The following ADAMTSL1 variants were observed in gnomAD, a reference collection of about 807,000 sequenced individuals.
ADAMTSL1 encodes ADAMTS-like protein 1.
In ADAMTSL1, 126 loss-of-function variants were observed where a neutral mutation model predicts 201.8. That is an observed-to-expected ratio of 0.62 (90% CI 0.54 to 0.72). ADAMTSL1 has a LOEUF of 0.72. Ranked by LOEUF, ADAMTSL1 falls within the 30% of genes least tolerant of loss-of-function variation. ADAMTSL1 has a pLI of 0.00. For synonymous variants in ADAMTSL1, 1,121 were observed against 903.4 expected (o/e 1.24, Z -4.32); for missense variants, 2,679 against 2,277.8 (o/e 1.18, Z -3.59).
chr9:18,183,643 G>A (rs886700670), intron 2 of ADAMTSL1, among the ~76,000 whole-genome samples: 13 of 152,100 alleles, frequency 8.5e-5, no homozygotes, highest in South Asian at 6.2e-4. Flanking sequence ...TCACTAGGGG[G>A]ATGCAAATTA....
At chr9:18,734,512 A>G (rs2133502068) in intron 15 of ADAMTSL1, among the ~76,000 whole-genome samples, 1 of 152,326 alleles carries the variant, frequency 6.6e-6, no homozygotes, top group South Asian at 2.1e-4. Flanking sequence ...TTACTGTGTC[A>G]TAGGTTCTGG....
At chr9:18,140,648 G>A (rs1306254225) in intron 1 of ADAMTSL1, among the ~76,000 whole-genome samples, 1 of 152,196 alleles carries the variant, frequency 6.6e-6, no homozygotes, top group African/African-American at 2.4e-5. Context: ...CATTGTTTGT[G>A]CAACAACTGA....
intron 1 of ADAMTSL1, among the ~76,000 whole-genome samples, chr9:17,941,077 TAG>T (rs1176710014): frequency 6.6e-6 from 1 of 152,048 alleles, no homozygotes; most frequent in African/African-American, 2.4e-5. Flanking sequence ...TGAGACCTTT[TAG>T]AGAGAGAACA....
intron 26 of ADAMTSL1, chr9:18,905,535 A>G: frequency 2.0e-6 from 1 of 504,330 alleles, no homozygotes; most frequent in Middle Eastern, 5.4e-4. Context: ...ACGTTCTCTT[A>G]CTGGTTCTAC....
chr9:18,276,469 C>T (rs947583590), intron 2 of ADAMTSL1, among the ~76,000 whole-genome samples: 1 of 152,164 alleles, frequency 6.6e-6, no homozygotes, highest in Non-Finnish European at 1.5e-5. Flanking sequence ...ATAGTTTCAG[C>T]TGTTAGGTTT....
chr9:18,578,717 G>A (rs1564063961), intron 4 of ADAMTSL1, among the ~76,000 whole-genome samples: 3 of 152,056 alleles, frequency 2.0e-5, no homozygotes, highest in Non-Finnish European at 4.4e-5. Flanking sequence ...ATAGCAGCAT[G>A]ATTTATAGTC....
intron 1 of ADAMTSL1, among the ~76,000 whole-genome samples, chr9:17,939,974 C>T (rs1563908804): frequency 6.6e-6 from 1 of 151,874 alleles, no homozygotes; most frequent in Non-Finnish European, 1.5e-5. Flanking sequence ...TAGGGAGAAC[C>T]AGAGTGTTGG....
chr9:18,884,404 C>CAAAG (rs1828726691), intron 23 of ADAMTSL1, among the ~76,000 whole-genome samples: 3 of 152,180 alleles, frequency 2.0e-5, no homozygotes, highest in Admixed American at 2.0e-4. Flanking sequence ...TATGATGTGT[C>CAAAG]AAAGATTTAA....
intron 16 of ADAMTSL1, among the ~76,000 whole-genome samples, chr9:18,765,459 G>GA (rs899424940): frequency 5.8e-4 from 87 of 151,238 alleles, no homozygotes; most frequent in African/African-American, 1.8e-3. Context: ...TTCTCTCAGA[G>GA]AAAAAAAATA....
chr9:17,986,575 G>T (rs1055447737), intron 1 of ADAMTSL1, among the ~76,000 whole-genome samples: 3 of 152,052 alleles, frequency 2.0e-5, no homozygotes, highest in African/African-American at 7.2e-5. Flanking sequence ...TAAGACACAT[G>T]CTCAAGTTAA....
intron 13 of ADAMTSL1, among the ~76,000 whole-genome samples, chr9:18,690,238 T>C (rs1831131432): frequency 6.7e-6 from 1 of 149,232 alleles, no homozygotes; most frequent in South Asian, 2.1e-4. Flanking sequence ...TACTTAAAGA[T>C]ATAATATTTA....
At chr9:18,621,168 C>A (rs1564094869) in intron 4 of ADAMTSL1, among the ~76,000 whole-genome samples, 1 of 152,136 alleles carries the variant, frequency 6.6e-6, no homozygotes, top group Non-Finnish European at 1.5e-5. Context: ...TAGAATAAAT[C>A]TTTCCATATT....
In ADAMTSL1 at chr9:18,889,591, C is replaced by G. The variant is rs371302350; in HGVS notation, c.4486C>G (p.Leu1496Val). 7 of 1,613,912 alleles carry G rather than the reference C, an allele frequency of 4.3e-6. No individual in the cohort carries two copies. Among genetic ancestry groups the G allele is most frequent in the Non-Finnish European group, 5.9e-6 (7 of 1,179,852 alleles). Residue 1496 changes from leucine to valine, a missense_variant, in exon 25 of 29, where the codon CTG becomes GTG. By Grantham distance (32) the Leu-to-Val change is conservative. Coordinates refer to ENST00000380548, the MANE Select transcript of ADAMTSL1 (RefSeq NM_001040272.6). ...AGATTACTGGTGGTCTGTGGACAGA[C>G]TGGCAACCTGCTCAGCCTCCTGTGG... Reference protein sequence around the residue: ...IQDYWWSVDRLATCSASCGNR... With the variant: ...IQDYWWSVDRVATCSASCGNR...
chr9:18,352,276 G>A (rs899584864), intron 2 of ADAMTSL1, among the ~76,000 whole-genome samples: 4 of 152,274 alleles, frequency 2.6e-5, no homozygotes, highest in African/African-American at 9.6e-5. Context: ...GAATTGTACA[G>A]GATTTCAGGT....
At chr9:18,284,691 TAAC>T (rs1832926993) in intron 2 of ADAMTSL1, among the ~76,000 whole-genome samples, 1 of 152,234 alleles carries the variant, frequency 6.6e-6, no homozygotes, top group Non-Finnish European at 1.5e-5. Context: ...AAATAAAACT[TAAC>T]TATTATTTCA....
chr9:18,148,327 T>C (rs1407703655), intron 1 of ADAMTSL1, among the ~76,000 whole-genome samples: 1 of 141,104 alleles, frequency 7.1e-6, no homozygotes, highest in Non-Finnish European at 1.6e-5. Flanking sequence ...TCACCTACAC[T>C]TCAGTGACAG....
At chr9:18,318,953 A>G (rs1254630461) in intron 2 of ADAMTSL1, among the ~76,000 whole-genome samples, 3 of 152,230 alleles carry the variant, frequency 2.0e-5, no homozygotes, top group Non-Finnish European at 4.4e-5. Flanking sequence ...TCATGCCTGT[A>G]ATCCTAACAC....
At chr9:18,492,104 G>A (rs1822296881) in intron 1 of ADAMTSL1, among the ~76,000 whole-genome samples, 1 of 152,130 alleles carries the variant, frequency 6.6e-6, no homozygotes, top group African/African-American at 2.4e-5. Flanking sequence ...ATGTAGGAAA[G>A]CATTTTAAAA....
chr9:18,851,654 G>A (rs1826498973), intron 23 of ADAMTSL1, among the ~76,000 whole-genome samples: 1 of 152,188 alleles, frequency 6.6e-6, no homozygotes. Context: ...ATGATCCCAT[G>A]GTTTGTGTCC....
Sources: allele counts gnomAD v4.1 joint callset (sites outside exome capture counted in the v4.1 genomes callset), GRCh38; gene constraint gnomAD v4.1.1; transcripts MANE v1.5; gene names NCBI Gene and HGNC (gene_info 2026-07-23, HGNC 2026-07-21).